Variants in ZPLD1 observed in about 807,000 individuals in gnomAD.
The protein encoded by ZPLD1 is zona pellucida like domain containing 1, also known as zona pellucida-like domain-containing protein 1.
Under a neutral mutation model 47.2 loss-of-function variants are expected in ZPLD1, and 34 were observed. The ratio of observed to expected loss-of-function variants is 0.72; its 90% CI spans 0.55 to 0.96. The LOEUF is 0.96. ZPLD1 is among the 40% of genes least tolerant of loss of function. The pLI is 0.00. For missense variants in ZPLD1, 512 were observed against 505.8 expected (o/e 1.01, Z -0.12); for synonymous variants, 176 against 186.2 (o/e 0.95, Z 0.45).
chr3:102,469,470 A>C (rs1320226750), intron 9 of ZPLD1, among the ~76,000 whole-genome samples: 1 of 152,228 alleles, frequency 6.6e-6, no homozygotes, highest in Admixed American at 6.5e-5. Context: ...AGTATTCACC[A>C]TTGTGAGAGA....
chr3:102,425,898 A>G (rs1183483767), intron 8 of ZPLD1, among the ~76,000 whole-genome samples: 1 of 150,662 alleles, frequency 6.6e-6, no homozygotes, highest in Non-Finnish European at 1.5e-5. Flanking sequence ...GCAAAGTTCT[A>G]TAACTTAGTT....
At chr3:102,445,652 C>G (rs569572886) in intron 3 of ZPLD1, among the ~76,000 whole-genome samples, 8 of 152,152 alleles carry the variant, frequency 5.3e-5, no homozygotes, top group Non-Finnish European at 1.2e-4. Flanking sequence ...GATTCATCTG[C>G]ACAGTAAAGT....
intron 7 of ZPLD1, among the ~76,000 whole-genome samples, chr3:102,404,604 A>G (rs1706660207): frequency 6.6e-6 from 1 of 152,038 alleles, no homozygotes; most frequent in African/African-American, 2.4e-5. Context: ...TCGATGTAAC[A>G]TATGATGGTG....
intron 7 of ZPLD1, among the ~76,000 whole-genome samples, chr3:102,398,016 T>C (rs1706576651): frequency 6.6e-6 from 1 of 152,074 alleles, no homozygotes; most frequent in Non-Finnish European, 1.5e-5. Context: ...CTTTAACACT[T>C]AAGATAAATG....
rs1559764976 is a variant in ZPLD1 at position 102,478,784 on chromosome 3, A to G, written c.*1166A>G. ...AGCAGCCCATGTTCTTACAAAAAAAATCAACATTCTCTTTGTTTAAGCTAC... is the reference window on the plus strand; with the variant it reads ...AGCAGCCCATGTTCTTACAAAAAAAGTCAACATTCTCTTTGTTTAAGCTAC... On this transcript the variant is annotated 3_prime_UTR_variant, in exon 12 of 12. Coordinates refer to ENST00000466937, the MANE Select transcript of ZPLD1 (RefSeq NM_001329788.2). 2.0e-5 allele frequency: 3 copies of G among 152,210 alleles called. No homozygotes were observed. Among genetic ancestry groups the G allele is most frequent in the African/African-American group, 7.2e-5 (3 of 41,460 alleles). The allele number at this position is 152,210 out of a possible 1,614,324, so 9.4% of individuals were successfully genotyped here.
At position 102,445,804 on chromosome 3, in the gene ZPLD1, A is replaced by G. The variant is rs76657910; in HGVS notation, c.107-7115A>G. ...AATAGTAATAGGTATCAACAAACCT[A>G]TCACTGTTAAAAATTCATTTTTAAT... is the stretch of plus-strand genomic sequence containing the variant. On this transcript the variant is annotated intron_variant, in intron 3 of 11. Coordinates refer to ENST00000466937, the MANE Select transcript of ZPLD1 (RefSeq NM_001329788.2). Among the ~76,000 whole-genome samples, 1,139 of 152,350 alleles carry G rather than the reference A, an allele frequency of 7.5e-3. 15 individuals are homozygous for G. Among genetic ancestry groups the G allele is most frequent in the African/African-American group, 0.026 (1,079 of 41,592 alleles).
rs1707549371 is a variant in ZPLD1 at position 102,463,923 on chromosome 3, G to T, written c.681-248G>T. On this transcript the variant is annotated intron_variant, in intron 7 of 11. Transcript: ENST00000466937. ...AAAATAGCCGGGCTTGGTGGCGGGCGCCTGTAGTCCCAGCTACTCGGGAGG... is the reference window on the plus strand; with the variant it reads ...AAAATAGCCGGGCTTGGTGGCGGGCTCCTGTAGTCCCAGCTACTCGGGAGG... Among the ~76,000 whole-genome samples the T allele has an allele frequency of 2.0e-5, 3 of 151,162 alleles. No homozygotes were observed. The South Asian group carries it at 6.3e-4, about 32-fold the overall frequency.
intron 7 of ZPLD1, among the ~76,000 whole-genome samples, chr3:102,463,263 T>A (rs1487470849): frequency 2.0e-5 from 3 of 152,234 alleles, no homozygotes; most frequent in African/African-American, 7.2e-5. Flanking sequence ...TAACACAGTG[T>A]CTATTGTGGA....
intron 4 of ZPLD1, among the ~76,000 whole-genome samples, chr3:102,454,532 AC>A: frequency 6.6e-6 from 1 of 152,262 alleles, no homozygotes; most frequent in East Asian, 1.9e-4. Context: ...TGTGCTGTTT[AC>A]CTTTTTAAAA....
chr3:102,388,072 G>A (rs1706452576), intron 6 of ZPLD1, among the ~76,000 whole-genome samples: 1 of 151,976 alleles, frequency 6.6e-6, no homozygotes, highest in South Asian at 2.1e-4. Flanking sequence ...GTGTTAGCCA[G>A]GATGGTCTCG....
chr3:102,439,192 A>G (rs1707136934), intron 3 of ZPLD1, among the ~76,000 whole-genome samples: 1 of 152,264 alleles, frequency 6.6e-6, no homozygotes, highest in Admixed American at 6.5e-5. Context: ...TATTAGCTAA[A>G]GTAATGGAAC....
intron 1 of ZPLD1, 25 bp downstream of exon 1, chr3:102,435,179 C>T: frequency 6.2e-7 from 1 of 1,613,378 alleles, no homozygotes; most frequent in Admixed American, 1.7e-5. Flanking sequence ...GGGAAATTTG[C>T]AAGATAATAG....
intron 7 of ZPLD1, among the ~76,000 whole-genome samples, chr3:102,415,217 C>T (rs1706791877): frequency 6.6e-6 from 1 of 151,748 alleles, no homozygotes; most frequent in Non-Finnish European, 1.5e-5. Flanking sequence ...TTGTAAGTAA[C>T]TGAAAAGCCT....
intron 7 of ZPLD1, among the ~76,000 whole-genome samples, chr3:102,404,304 G>A (rs1237073159): frequency 6.6e-6 from 1 of 151,908 alleles, no homozygotes; most frequent in Non-Finnish European, 1.5e-5. Context: ...GATCAGAAGG[G>A]TAAACACAAC....
At chr3:102,467,872 C>CAT (rs1208047569) in intron 8 of ZPLD1, among the ~76,000 whole-genome samples, 1 of 151,440 alleles carries the variant, frequency 6.6e-6, no homozygotes, top group African/African-American at 2.4e-5. Context: ...CACACACACA[C>CAT]ACACGGAATG....
intron 7 of ZPLD1, among the ~76,000 whole-genome samples, chr3:102,417,537 T>C (rs371253783): frequency 1.2e-4 from 18 of 152,054 alleles, no homozygotes; most frequent in African/African-American, 3.9e-4. Context: ...ATGAAGCAGT[T>C]TCAGTGTCTA....
chr3:102,474,534 A>G (rs1185540755), intron 10 of ZPLD1, among the ~76,000 whole-genome samples: 2 of 152,164 alleles, frequency 1.3e-5, no homozygotes, highest in Non-Finnish European at 2.9e-5. Flanking sequence ...GTGAAAAGTA[A>G]AAAGGTCGGT....
At chr3:102,459,645 A>C (rs995853258) in intron 6 of ZPLD1, among the ~76,000 whole-genome samples, 2 of 152,194 alleles carry the variant, frequency 1.3e-5, no homozygotes, top group Non-Finnish European at 2.9e-5. Context: ...TTGATATTAG[A>C]CTACAAGTGA....
rs201363002 is a variant in ZPLD1 at position 102,453,174 on chromosome 3, G to A, written c.327+35G>A. 8.4e-5 allele frequency: 132 copies of A among 1,567,016 alleles called. No homozygotes were observed. The African/African-American group carries it at 1.4e-3, about 16-fold the overall frequency. On this transcript the variant is annotated intron_variant, in intron 4 of 11. Transcript: ENST00000466937. Reference sequence around the variant, plus strand: ...GTGTGACATTGTGTGCTAGGTCTGGGGTCATAAATAAAAATCTCCCCATTT... The same window carrying A: ...GTGTGACATTGTGTGCTAGGTCTGGAGTCATAAATAAAAATCTCCCCATTT...
Sources: gnomAD v4.1 joint callset for allele counts (sites outside exome capture counted in the v4.1 genomes callset) on GRCh38, gnomAD v4.1.1 for gene constraint, MANE v1.5 for transcripts, NCBI Gene and HGNC (gene_info 2026-07-23, HGNC 2026-07-21) for gene names.